CFAP65: variants seen among roughly 807,000 people sequenced by gnomAD.
CFAP65 encodes cilia and flagella associated protein 65, also known as cilia- and flagella-associated protein 65.
A neutral mutation model predicts 208.0 loss-of-function variants in CFAP65; 155 were observed. The observed-to-expected ratio is 0.75, with a 90% CI of 0.65 to 0.85. CFAP65 has a LOEUF of 0.85. CFAP65 is among the 40% of genes least tolerant of loss of function. The pLI, the probability that CFAP65 is intolerant of heterozygous loss-of-function variation, is 0.00. For missense variants in CFAP65, 2,294 were observed against 2,451.3 expected (o/e 0.94, Z 1.36); for synonymous variants, 970 against 986.3 (o/e 0.98, Z 0.31).
chr2:219,023,469 C>T (rs1254886861), intron 15 of CFAP65, 38 bp from the exon 16 acceptor site: 1 of 1,408,450 alleles, frequency 7.1e-7, no homozygotes, highest in South Asian at 1.3e-5. Flanking sequence ...CCTGACCTCA[C>T]TCTGCAGTCC....
intron 2 of CFAP65, 22 bp from the exon 3 acceptor site, chr2:219,039,072 A>G (rs1379653205): frequency 1.3e-6 from 2 of 1,579,478 alleles, no homozygotes; most frequent in African/African-American, 1.3e-5. Flanking sequence ...CAATCAAAGC[A>G]TAAGTCAATC....
Position 219,029,439 on chromosome 2 carries a change from G to A in CFAP65, c.1614C>T (p.Ile538=). ...HCAFQPTHPI[I]CFRRVACLIH... Reference sequence around the variant, plus strand: ...TGAGACAGGCCACACGCCGAAAGCAGATGATGGGGTGAGTGGGCTGGAAGG... The same window carrying A: ...TGAGACAGGCCACACGCCGAAAGCAAATGATGGGGTGAGTGGGCTGGAAGG... Residue 538 remains isoleucine (I), a synonymous_variant, in exon 11 of 35, where the codon ATC becomes ATT. Transcript: ENST00000341552. 2 of 1,614,112 alleles carry A rather than the reference G, an allele frequency of 1.2e-6. No homozygotes were observed. Among genetic ancestry groups the A allele is most frequent in the Non-Finnish European group, 1.7e-6 (2 of 1,179,990 alleles).
At chr2:219,033,238 A>T (rs926554597) in intron 5 of CFAP65, among the ~76,000 whole-genome samples, 1 of 152,192 alleles carries the variant, frequency 6.6e-6, no homozygotes, top group Non-Finnish European at 1.5e-5. Context: ...TTGAGAGGCT[A>T]AGGCGGGAGT....
Position 219,021,875 on chromosome 2 carries a change from C to G in CFAP65, c.3035G>C (p.Arg1012Thr). Residue 1012 changes from arginine (R) to threonine (T), a missense_variant, in exon 18 of 35, where the codon AGG becomes ACG. Coordinates refer to ENST00000341552, the MANE Select transcript of CFAP65 (RefSeq NM_194302.4). ...GCCGTCATTCAGGAGGACAAGGAAC[C>G]TGGACTGCTTGCTGTTCACCAGCAC... ...GNVLVNSKQS[R>T]FLVLLNDGNC... 2.5e-6 allele frequency: 4 copies of G among 1,613,880 alleles called. No individual in the cohort carries two copies. The highest frequency in any genetic ancestry group is 3.4e-6 in the Non-Finnish European group (4 of 1,180,030).
rs766347475 is a variant in CFAP65 at position 219,019,689 on chromosome 2, C to A, written c.3290G>T (p.Cys1097Phe). 7.4e-6 allele frequency: 12 copies of A among 1,613,396 alleles called. No homozygotes were observed. The East Asian group carries it at 2.5e-4, about 33-fold the overall frequency. The change falls in exon 20 of 35, where the codon TGC becomes TTC. Residue 1097 changes from cysteine to phenylalanine, a missense_variant. By Grantham distance (205) the Cys-to-Phe change is radical. Around this residue, in one of 2 missense-constraint regions of CFAP65, gnomAD observed 1,427 missense variants for 1,438.7 expected, o/e 0.99. Coordinates refer to ENST00000341552, the MANE Select transcript of CFAP65 (RefSeq NM_194302.4). Reference protein sequence around the residue: ...DNKAGEKQELCCVSLVAVYPL... With the variant: ...DNKAGEKQELFCVSLVAVYPL... Reference sequence around the variant, plus strand: ...GTACACGGCCACCAGGGAGACGCAGCACAGCTCCTGCTTCTCCCCAGCCTT... The same window carrying A: ...GTACACGGCCACCAGGGAGACGCAGAACAGCTCCTGCTTCTCCCCAGCCTT...
chr2:219,011,923 A>G (rs955220751), intron 24 of CFAP65, among the ~76,000 whole-genome samples: 3 of 152,242 alleles, frequency 2.0e-5, no homozygotes, highest in African/African-American at 7.2e-5. Flanking sequence ...CAATAGTATT[A>G]AGAGATGATC....
At chr2:219,038,709 T>A in intron 3 of CFAP65, 131 bp from the exon 4 acceptor site, 1 of 1,123,114 alleles carries the variant, frequency 8.9e-7, no homozygotes, top group Non-Finnish European at 1.3e-6. Context: ...AGGTGCTACC[T>A]GGCACCATGA....
chr2:219,035,111 A>C (rs1347040301), intron 5 of CFAP65: 7 of 473,360 alleles, frequency 1.5e-5, no homozygotes, highest in African/African-American at 1.4e-4. Flanking sequence ...AAAAAAAAAA[A>C]AAAAACCTTC....
At chr2:219,010,129 C>G (rs1946368734) in intron 26 of CFAP65, 44 bp from the exon 27 acceptor site, 1 of 1,534,862 alleles carries the variant, frequency 6.5e-7, no homozygotes, top group Non-Finnish European at 8.8e-7. Flanking sequence ...ACCGGCCAGG[C>G]ATGGTGGCTC....
intron 5 of CFAP65, 88 bp downstream of exon 5, chr2:219,035,392 T>C (rs777807654): frequency 6.2e-7 from 1 of 1,611,262 alleles, no homozygotes; most frequent in Non-Finnish European, 8.5e-7. Context: ...TTAAAGGTTT[T>C]TTTTGTTTGT....
intron 29 of CFAP65, among the ~76,000 whole-genome samples, chr2:219,006,852 A>C (rs1310973772): frequency 6.6e-6 from 1 of 151,580 alleles, no homozygotes. Context: ...AAAAAAAAAA[A>C]AGATGTGAGA....
chr2:219,035,388 G>GT (rs572647237), intron 5 of CFAP65, 92 bp downstream of exon 5: 48 of 1,608,942 alleles, frequency 3.0e-5, no homozygotes, highest in African/African-American at 2.8e-4. Flanking sequence ...CATGTTAAAG[G>GT]TTTTTTTTGT....
At chr2:219,035,219 A>G (rs1478123055) in intron 5 of CFAP65, 1 of 1,114,584 alleles carries the variant, frequency 9.0e-7, no homozygotes, top group Non-Finnish European at 1.3e-6. Flanking sequence ...GAATGCCAAC[A>G]GTCCCAAATA....
intron 4 of CFAP65, among the ~76,000 whole-genome samples, chr2:219,036,758 T>C (rs1263195649): frequency 6.6e-6 from 1 of 152,318 alleles, no homozygotes; most frequent in East Asian, 1.9e-4. Context: ...TTTTATTTTA[T>C]CTTTGACCAA....
intron 5 of CFAP65, chr2:219,033,796 G>A (rs1320864324): frequency 1.3e-5 from 2 of 151,818 alleles, no homozygotes; most frequent in Non-Finnish European, 2.9e-5. Context: ...AATGCAGTAA[G>A]GAAAGCCAAA....
Position 219,019,163 on chromosome 2 carries a change from G to T in CFAP65, c.3490C>A (p.Pro1164Thr), listed in dbSNP as rs375107182. 15 of 1,613,468 alleles carry T rather than the reference G, an allele frequency of 9.3e-6. No homozygotes were observed. The highest frequency in any genetic ancestry group is 3.3e-5 in the Admixed American group (2 of 59,972). Residue 1164 changes from proline to threonine, a missense_variant, in exon 21 of 35, where the codon CCC becomes ACC. Pro to Thr is a conservative substitution (Grantham distance 38, BLOSUM62 -1). Transcript: ENST00000341552. ...TCAAGCCTTAAAGGGGTGAGGACGG[G>T]GGGGATCTGGCTCATGCTGTGAGGA... ...PTRHSMSQIP[P>T]VLTPLRLDFN...
chr2:219,027,577 C>G, intron 13 of CFAP65, 73 bp downstream of exon 13: 4 of 1,613,122 alleles, frequency 2.5e-6, no homozygotes, highest in Non-Finnish European at 3.4e-6. Flanking sequence ...TCGGTCACTT[C>G]CTGCCACCCC....
rs1945907680 is a variant in CFAP65, at chr2:219,005,548, C to A, written c.4937G>T (p.Arg1646Met). 1 of 1,611,918 alleles carries A rather than the reference C, an allele frequency of 6.2e-7. No individual in the cohort carries two copies. ...CHFLHRELPKRKAPREESETS... is the reference protein window; with the variant it reads ...CHFLHRELPKMKAPREESETS... ...CTCTGACTCTTCCCTGGGGGCCTTC[C>A]TCTTTGGCAGCTCCCTGTGGCAGCC... The change falls in exon 32 of 35, where the codon AGG becomes ATG. Residue 1646 changes from arginine (R) to methionine (M), a missense_variant. Physicochemically the swap from Arg to Met is moderately conservative, Grantham distance 91. Coordinates refer to ENST00000341552, the MANE Select transcript of CFAP65 (RefSeq NM_194302.4).
At chr2:219,024,995 G>A (rs1412370608) in intron 14 of CFAP65, among the ~76,000 whole-genome samples, 1 of 152,204 alleles carries the variant, frequency 6.6e-6, no homozygotes, top group South Asian at 2.1e-4. Flanking sequence ...GCAGGTAACT[G>A]ATGGAAACTG....
Sources: gnomAD v4.1 joint callset for allele counts (sites outside exome capture counted in the v4.1 genomes callset) on GRCh38, gnomAD v4.1.1 for gene constraint, gnomAD v4.1.1 regional missense constraint, MANE v1.5 for transcripts, NCBI Gene and HGNC (gene_info 2026-07-23, HGNC 2026-07-21) for gene names.